The following DYNC2LI1 variants were observed in gnomAD, a reference collection of about 807,000 sequenced individuals.
DYNC2LI1 encodes the protein cytoplasmic dynein 2 light intermediate chain 1.
DYNC2LI1 carries 45 observed loss-of-function variants against 51.9 expected under a neutral mutation model. The ratio of observed to expected loss-of-function variants is 0.87; its 90% CI spans 0.68 to 1.11. The LOEUF (loss-of-function observed/expected upper bound fraction) is 1.11. DYNC2LI1 is among the 50% of genes most tolerant of loss of function. The pLI, the probability that DYNC2LI1 is intolerant of heterozygous loss-of-function variation, is 0.00. For synonymous variants in DYNC2LI1, 130 were observed against 137.8 expected, an observed-to-expected ratio of 0.94 and a Z score of 0.40; for missense variants, 490 against 417.4, an observed-to-expected ratio of 1.17 and a Z score of -1.51.
At chr2:43,777,428 G>A (rs1398624830) in intron 2 of DYNC2LI1, among the ~76,000 whole-genome samples, 4 of 152,178 alleles carry the variant, frequency 2.6e-5, no homozygotes, top group Non-Finnish European at 5.9e-5. Context: ...ACAGAAAGGC[G>A]TGGAAGTGGC....
chr2:43,809,816 A>T lies in DYNC2LI1; in HGVS notation c.*49A>T. The T allele has an allele frequency of 1.3e-6, 2 of 1,559,278 alleles. No individual in the cohort carries two copies. Among genetic ancestry groups the T allele is most frequent in the Non-Finnish European group, 1.7e-6 (2 of 1,152,902 alleles). The stretch of plus-strand genomic sequence containing the variant: ...TATTTCTTCTTTTCCAAATACAAAT[A>T]AGATTATACTGTGAATTAACTATTG... On this transcript the variant is annotated 3_prime_UTR_variant, in exon 13 of 13. Transcript: ENST00000260605.
chr2:43,781,607 CTT>C (rs549678206), intron 2 of DYNC2LI1: 7 of 76,202 alleles, frequency 9.2e-5, no homozygotes, highest in Admixed American at 1.7e-4. Flanking sequence ...TTTTCTTTTT[CTT>C]TTTTTTTTTT....
intron 6 of DYNC2LI1, chr2:43,795,186 G>A: frequency 1.0e-6 from 1 of 989,558 alleles, no homozygotes; most frequent in Middle Eastern, 5.2e-4. Flanking sequence ...AAAACTGAGA[G>A]CAGCATTTTA....
chr2:43,784,852 A>G (rs1009610032), intron 3 of DYNC2LI1, among the ~76,000 whole-genome samples: 1 of 152,234 alleles, frequency 6.6e-6, no homozygotes, highest in African/African-American at 2.4e-5. Context: ...TTGGCTTGAT[A>G]AAATTTCTAT....
chr2:43,787,278 A>G lies in DYNC2LI1; in HGVS notation c.231+28A>G, dbSNP rs369057543. On this transcript the variant is annotated intron_variant, in intron 4 of 12. Transcript: ENST00000260605. The stretch of plus-strand genomic sequence containing the variant: ...AAGTGTCTTTTAAAGTGACATTGCT[A>G]TGCCCATAGATGGGAAAGTAATGCT... 196 of 1,542,624 alleles carry G rather than the reference A, an allele frequency of 1.3e-4. No homozygotes were observed. In the Admixed American group the frequency reaches 2.3e-3, roughly 18 times the overall value.
intron 12 of DYNC2LI1, among the ~76,000 whole-genome samples, chr2:43,808,535 A>G (rs1443762648): frequency 6.6e-6 from 1 of 152,240 alleles, no homozygotes; most frequent in African/African-American, 2.4e-5. Flanking sequence ...AACAACATGT[A>G]GGAGGCCAAG....
At chr2:43,814,453 A>G (rs766945901), downstream of DYNC2LI1, 1 of 1,480,450 alleles carries the variant, frequency 6.8e-7, no homozygotes, top group African/African-American at 1.4e-5. Context: ...ATGCAAAAAT[A>G]ATATCCCCAA....
the DYNC2LI1 span, among the ~76,000 whole-genome samples, chr2:43,825,980 T>C: frequency 4.0e-5 from 6 of 151,692 alleles, no homozygotes; most frequent in Admixed American, 6.6e-5. Context: ...TAACGGTTTT[T>C]TGTTTGTTTG....
chr2:43,779,325 A>C (rs4953012), intron 2 of DYNC2LI1, among the ~76,000 whole-genome samples: 32,609 of 152,142 alleles, frequency 0.21, 3,778 homozygotes, highest in African/African-American at 0.28. Context: ...TTGGAAGATA[A>C]AGAGAAGCGA....
At chr2:43,801,879 T>C (rs946404145) in intron 10 of DYNC2LI1, among the ~76,000 whole-genome samples, 170 bp downstream of exon 10, 8 of 152,174 alleles carry the variant, frequency 5.3e-5, no homozygotes, top group Non-Finnish European at 1.0e-4. Context: ...ATGCATCACA[T>C]TGACATGTTT....
chr2:43,808,505 G>C (rs779228457), intron 12 of DYNC2LI1, among the ~76,000 whole-genome samples: 1 of 152,144 alleles, frequency 6.6e-6, no homozygotes, highest in Non-Finnish European at 1.5e-5. Flanking sequence ...GACAACCTTT[G>C]TACAGTTATT....
intron 5 of DYNC2LI1, chr2:43,792,761 TC>T: frequency 6.5e-7 from 1 of 1,545,504 alleles, no homozygotes; most frequent in South Asian, 1.2e-5. Flanking sequence ...TCATTATTTG[TC>T]CTTTTGTTAT....
Position 43,776,882 on chromosome 2 carries a change from A to C in DYNC2LI1, c.109A>C (p.Ile37Leu). ...AEIAEKFVFF[I>L]GSKNGGKTTI... ...AATTGCAGAAAAATTTGTTTTCTTC[A>C]TTGGCAGTAAAAATGGGGTAATGCT... is the stretch of plus-strand genomic sequence containing the variant. Residue 37 changes from isoleucine to leucine, a missense_variant, in exon 2 of 13, where the codon ATT becomes CTT. Transcript: ENST00000260605. 6.4e-7 allele frequency: 1 copy of C among 1,574,566 alleles called. No individual in the cohort carries two copies. The highest frequency in any genetic ancestry group is 8.7e-7 in the Non-Finnish European group (1 of 1,149,168).
intron 1 of DYNC2LI1, chr2:43,775,854 A>ATTTTTTTTTTTTTTTTTTTTTTTT (rs57868887): frequency 2.0e-5 from 1 of 49,250 alleles, no homozygotes; most frequent in African/African-American, 9.0e-5. Context: ...CACCTGGCCA[A>ATTTTTTTTTTTTTTTTTTTTTTTT]TTTTTTTTTT....
rs141216370 is a variant in DYNC2LI1, at chr2:43,806,470, A to T, written c.993+1224A>T. Among the ~76,000 whole-genome samples the T allele has an allele frequency of 5.9e-5, 9 of 152,330 alleles. No individual in the cohort carries two copies. The East Asian group carries it at 1.7e-3, about 29-fold the overall frequency. On this transcript the variant is annotated intron_variant, in intron 12 of 12. Coordinates refer to ENST00000260605, the MANE Select transcript of DYNC2LI1 (RefSeq NM_016008.4). ...ACGGTCCAGAAGACTTTTGAAAAAT[A>T]TGCCATGAATATTTAGAGGTTTTAT...
chr2:43,774,805 G>A (rs1672937643), intron 1 of DYNC2LI1, among the ~76,000 whole-genome samples: 1 of 152,130 alleles, frequency 6.6e-6, no homozygotes, highest in African/African-American at 2.4e-5. Context: ...ATAAAGCTAT[G>A]GTTATACTTC....
chr2:43,815,910 G>GAA, the DYNC2LI1 span, among the ~76,000 whole-genome samples: 46,161 of 103,634 alleles, frequency 0.45, 8,468 homozygotes, highest in Middle Eastern at 0.58. Flanking sequence ...AACAGGAAAA[G>GAA]AAAAAAAAAA....
chr2:43,820,028 A>G, the DYNC2LI1 span: 2 of 1,614,082 alleles, frequency 1.2e-6, no homozygotes, highest in Non-Finnish European at 1.7e-6. Flanking sequence ...GAAATTCACC[A>G]ATTAAGTGGG....
chr2:43,806,747 A>G (rs1354202744), intron 12 of DYNC2LI1, among the ~76,000 whole-genome samples: 1 of 152,236 alleles, frequency 6.6e-6, no homozygotes, highest in Non-Finnish European at 1.5e-5. Flanking sequence ...GAGTTTTCAC[A>G]TTCAAATCTG....
Sources: allele counts gnomAD v4.1 joint callset (sites outside exome capture counted in the v4.1 genomes callset), GRCh38; gene constraint gnomAD v4.1.1; transcripts MANE v1.5; gene names NCBI Gene and HGNC (gene_info 2026-07-23, HGNC 2026-07-21).